PIGQ: variants seen among roughly 807,000 people sequenced by gnomAD.
PIGQ encodes the protein phosphatidylinositol glycan anchor biosynthesis class Q, also known as phosphatidylinositol N-acetylglucosaminyltransferase subunit Q.
PIGQ carries 54 observed loss-of-function variants against 60.3 expected under a neutral mutation model. That is an observed-to-expected ratio of 0.90 (90% CI 0.72 to 1.12). The LOEUF (loss-of-function observed/expected upper bound fraction) is 1.12. Ranked by LOEUF, PIGQ falls within the 50% of genes most tolerant of loss-of-function variation. PIGQ has a pLI of 0.00. For missense variants in PIGQ, 799 were observed against 793.5 expected, an observed-to-expected ratio of 1.01 and a Z score of -0.08; for synonymous variants, 416 against 363.7, an observed-to-expected ratio of 1.14 and a Z score of -1.64.
intron 1 of PIGQ, among the ~76,000 whole-genome samples, chr16:573,800 G>A (rs996353559): frequency 6.6e-6 from 1 of 152,154 alleles, no homozygotes; most frequent in Admixed American, 6.5e-5. Flanking sequence ...CCTGGTGGCT[G>A]CATGTGCGTC....
intron 7 of PIGQ, 193 bp downstream of exon 7, chr16:579,373 T>G (rs1843825259): frequency 3.3e-6 from 2 of 599,916 alleles, no homozygotes; most frequent in East Asian, 2.8e-5. Flanking sequence ...AGAGCTTCCC[T>G]GGGCCACAGA....
intron 8 of PIGQ, chr16:580,579 C>T: frequency 1.8e-6 from 1 of 555,416 alleles, no homozygotes; most frequent in Non-Finnish European, 3.2e-6. Context: ...AGCAGAACCA[C>T]CTCCAGCACC....
Position 574,779 on chromosome 16 carries a change from C to T in PIGQ, c.689+16C>T, listed in dbSNP as rs1485743749. 2.9e-5 allele frequency: 44 copies of T among 1,530,666 alleles called. No homozygotes were observed. The highest frequency in any genetic ancestry group is 3.8e-5 in the Non-Finnish European group (44 of 1,143,018). 94.8% of individuals were successfully genotyped at this position (1,530,666 alleles called of 1,614,324 possible). On this transcript the variant is annotated intron_variant, in intron 2 of 10. Coordinates refer to ENST00000321878, the MANE Select transcript of PIGQ (RefSeq NM_004204.5). Reference sequence around the variant, plus strand: ...GTGCCTGCCGGTAGGTGTCCCGGGACAGGCAGGTGGCAAAGAGTGGGGTCC... The same window carrying T: ...GTGCCTGCCGGTAGGTGTCCCGGGATAGGCAGGTGGCAAAGAGTGGGGTCC...
intron 7 of PIGQ, 147 bp from the exon 8 acceptor site, chr16:580,035 TG>T (rs2035787459): frequency 3.5e-6 from 2 of 568,880 alleles, no homozygotes; most frequent in African/African-American, 3.8e-5. Flanking sequence ...CTCCTGCTAC[TG>T]GGACTGCTTC....
At position 578,365 on chromosome 16, in the gene PIGQ, C is replaced by G; in HGVS notation, c.943-14C>G. 6.2e-7 allele frequency: 1 copy of G among 1,605,040 alleles called. No homozygotes were observed. The highest frequency in any genetic ancestry group is 8.5e-7 in the Non-Finnish European group (1 of 1,178,504). The stretch of plus-strand genomic sequence containing the variant: ...GGCTGCCCCCGCCCCAGCGTGGCCC[C>G]TGTGTCCCTGCAGCACGTGGCCGAG... On this transcript the variant is annotated splice_polypyrimidine_tract_variant and intron_variant, in intron 4 of 10. Coordinates refer to ENST00000321878, the MANE Select transcript of PIGQ (RefSeq NM_004204.5).
intron 1 of PIGQ, among the ~76,000 whole-genome samples, chr16:572,914 A>T (rs531255222): frequency 1.3e-5 from 2 of 152,364 alleles, no homozygotes; most frequent in Admixed American, 1.3e-4. Flanking sequence ...GTGTGGCTCC[A>T]GCGTGGGGGG....
chr16:575,692 C>A, intron 2 of PIGQ, 147 bp from the exon 3 acceptor site: 1 of 794,062 alleles, frequency 1.3e-6, no homozygotes. Flanking sequence ...CCTACCACCA[C>A]CTGGGCCACC....
rs2035756555 is a variant in PIGQ at position 578,455 on chromosome 16, T to C, written c.1019T>C (p.Leu340Pro). 1 of 1,612,608 alleles carries C rather than the reference T, an allele frequency of 6.2e-7. No individual in the cohort carries two copies. Among genetic ancestry groups the C allele is most frequent in the African/African-American group, 1.3e-5 (1 of 74,934 alleles). ...GCCGGGCTCAAGATGAACCGTGCAC[T>C]GGACCAGGTGCTGGGCCGCTTCTTC... ...APAGLKMNRA[L>P]DQVLGRFFLY... The change falls in exon 5 of 11, where the codon CTG becomes CCG. Residue 340 changes from leucine (L) to proline (P), a missense_variant. Transcript: ENST00000321878.
rs1162562108 is a variant in PIGQ at position 583,912 on chromosome 16, G to C, written c.*877G>C. The C allele has an allele frequency of 2.0e-6, 1 of 511,892 alleles. No individual in the cohort carries two copies. Among genetic ancestry groups the C allele is most frequent in the Non-Finnish European group, 3.6e-6 (1 of 278,412 alleles). The allele number at this position is 511,892 out of a possible 1,614,324, so 31.7% of individuals were successfully genotyped here. A position where few individuals can be genotyped will look rare whatever the true frequency, so the allele number is the denominator to read the frequency against. On this transcript the variant is annotated 3_prime_UTR_variant, in exon 11 of 11. Coordinates refer to ENST00000321878, the MANE Select transcript of PIGQ (RefSeq NM_004204.5). ...GTGCCTGCCAGACGGCACGGTCTGG[G>C]TGCGGGTGTTCCCTGTGAGCCCGAG...
chr16:583,957 C>T lies in PIGQ; in HGVS notation c.*922C>T. ...CCCGAGTCCGCTTCAGGAGGGGAGC[C>T]TGCAGGTGCCGGCTGGTGAGGGGAT... On this transcript the variant is annotated 3_prime_UTR_variant, in exon 11 of 11. Coordinates refer to ENST00000321878, the MANE Select transcript of PIGQ (RefSeq NM_004204.5). The T allele has an allele frequency of 2.3e-6, 1 of 427,006 alleles. No homozygotes were observed. The highest frequency in any genetic ancestry group is 4.4e-6 in the Non-Finnish European group (1 of 225,790). 26.5% of individuals were successfully genotyped at this position (427,006 alleles called of 1,614,324 possible). A position where few individuals can be genotyped will look rare whatever the true frequency, so the allele number is the denominator to read the frequency against.
chr16:573,046 C>T (rs2035660644), intron 1 of PIGQ, among the ~76,000 whole-genome samples: 1 of 152,252 alleles, frequency 6.6e-6, no homozygotes, highest in South Asian at 2.1e-4. Flanking sequence ...AGTCCTCCTG[C>T]CCTGTGGGGC....
rs573022661 is a variant in PIGQ at position 580,685 on chromosome 16, G to A, written c.1417-173G>A. The A allele has an allele frequency of 2.7e-4, 171 of 637,056 alleles. 2 individuals are homozygous for A. The East Asian group carries it at 4.4e-3, about 16-fold the overall frequency. 39.5% of individuals were successfully genotyped at this position (637,056 alleles called of 1,614,324 possible). The stretch of plus-strand genomic sequence containing the variant: ...GGCCGGGTGCTCCGCCTCCAGCTTT[G>A]CTCCAGAGCAAGGCCCAATGGCAGA... On this transcript the variant is annotated intron_variant, in intron 8 of 10. Transcript: ENST00000321878.
chr16:583,524 T>C lies in PIGQ; in HGVS notation c.*489T>C, dbSNP rs1237541488. ...TCCCTCAGCCGAACAGCACCCTGCA[T>C]CTGGGGGATTGAAGCAGTCGCTGAC... On this transcript the variant is annotated 3_prime_UTR_variant, in exon 11 of 11. Coordinates refer to ENST00000321878, the MANE Select transcript of PIGQ (RefSeq NM_004204.5). 2 of 1,612,476 alleles carry C rather than the reference T, an allele frequency of 1.2e-6. No homozygotes were observed. The highest frequency in any genetic ancestry group is 1.7e-6 in the Non-Finnish European group (2 of 1,179,810).
Position 574,576 on chromosome 16 carries a change from A to T in PIGQ, c.502A>T (p.Thr168Ser), listed in dbSNP as rs372058981. 1 of 1,603,630 alleles carries T rather than the reference A, an allele frequency of 6.2e-7. No individual in the cohort carries two copies. Among genetic ancestry groups the T allele is most frequent in the Non-Finnish European group, 8.5e-7 (1 of 1,175,844 alleles). Reference protein sequence around the residue: ...STGGLAAVFDTVARSEVLFRS... With the variant: ...STGGLAAVFDSVARSEVLFRS... ...GGGGGGCCTGGCTGCCGTCTTCGAC[A>T]CGGTAGCACGCAGTGAGGTGCTCTT... Residue 168 changes from threonine (T) to serine (S), a missense_variant, in exon 2 of 11, where the codon ACG becomes TCG. Physicochemically the swap from Thr to Ser is moderately conservative, Grantham distance 58. Coordinates refer to ENST00000321878, the MANE Select transcript of PIGQ (RefSeq NM_004204.5).
chr16:575,610 G>A (rs1019230841), intron 2 of PIGQ, among the ~76,000 whole-genome samples: 1 of 152,162 alleles, frequency 6.6e-6, no homozygotes, highest in Admixed American at 6.5e-5. Context: ...AGGTGGCCCG[G>A]GGTCAGCACC....
chr16:578,319 G>A, intron 4 of PIGQ, 60 bp from the exon 5 acceptor site: 2 of 1,559,528 alleles, frequency 1.3e-6, no homozygotes, highest in Non-Finnish European at 8.6e-7. Flanking sequence ...AAGAGCCTGG[G>A]GAGATGCAGG....
intron 4 of PIGQ, chr16:576,503 A>C: frequency 1.7e-6 from 1 of 580,620 alleles, no homozygotes; most frequent in South Asian, 2.2e-5. Flanking sequence ...AGCCGGGCTG[A>C]GGCTCTGGGG....
chr16:571,750 A>G (rs1397911550), intron 1 of PIGQ, among the ~76,000 whole-genome samples: 2 of 151,982 alleles, frequency 1.3e-5, no homozygotes, highest in African/African-American at 2.4e-5. Context: ...CTGCTAGTGC[A>G]GGCTTCTTTG....
intron 9 of PIGQ, among the ~76,000 whole-genome samples, chr16:581,519 A>G (rs754935253): frequency 4.0e-5 from 6 of 151,810 alleles, no homozygotes; most frequent in South Asian, 2.1e-4. Flanking sequence ...CTGGAGTGCA[A>G]TGGCGCAATC....
Sources: gnomAD v4.1 joint callset for allele counts (sites outside exome capture counted in the v4.1 genomes callset) on GRCh38, gnomAD v4.1.1 for gene constraint, MANE v1.5 for transcripts, NCBI Gene and HGNC (gene_info 2026-07-23, HGNC 2026-07-21) for gene names.